The following CALD1 variants were observed in gnomAD, a reference collection of about 807,000 sequenced individuals.
CALD1 encodes the protein caldesmon 1, also known as caldesmon.
In CALD1, 33 loss-of-function variants were observed where a neutral mutation model predicts 99.9. The ratio of observed to expected loss-of-function variants is 0.33; its 90% CI spans 0.25 to 0.44. The LOEUF is 0.44. Ranked by LOEUF, CALD1 falls within the 20% of genes least tolerant of loss-of-function variation. The pLI is 1.00. For synonymous variants in CALD1, 310 were observed against 325.0 expected, an observed-to-expected ratio of 0.95 and a Z score of 0.50; for missense variants, 861 against 962.1, an observed-to-expected ratio of 0.89 and a Z score of 1.39.
At chr7:134,921,987 A>T (rs1804654774) in intron 3 of CALD1, among the ~76,000 whole-genome samples, 1 of 152,224 alleles carries the variant, frequency 6.6e-6, no homozygotes, top group South Asian at 2.1e-4. Flanking sequence ...TACATAAATG[A>T]TGAAAATAAA....
At chr7:134,889,912 T>C (rs1802064246) in intron 3 of CALD1, among the ~76,000 whole-genome samples, 1 of 152,240 alleles carries the variant, frequency 6.6e-6, no homozygotes, top group Non-Finnish European at 1.5e-5. Flanking sequence ...TGTTTTGTTT[T>C]GTTTTTTGTT....
chr7:134,862,387 G>T (rs1800600924), intron 2 of CALD1, among the ~76,000 whole-genome samples: 1 of 152,104 alleles, frequency 6.6e-6, no homozygotes, highest in Admixed American at 6.6e-5. Flanking sequence ...TATTTTAATG[G>T]CCCAGCAGAG....
At chr7:134,838,561 G>C (rs1204423612) in intron 1 of CALD1, among the ~76,000 whole-genome samples, 1 of 152,180 alleles carries the variant, frequency 6.6e-6, no homozygotes, top group African/African-American at 2.4e-5. Flanking sequence ...TGGACCACTT[G>C]CAAAAACATT....
the CALD1 span, among the ~76,000 whole-genome samples, chr7:134,714,103 C>T: frequency 2.6e-5 from 4 of 152,168 alleles, no homozygotes; most frequent in Non-Finnish European, 4.4e-5. Flanking sequence ...GGAAGATGTG[C>T]CTGCTTCCCC....
At chr7:134,724,800 A>C in the CALD1 span, among the ~76,000 whole-genome samples, 1 of 152,164 alleles carries the variant, frequency 6.6e-6, no homozygotes, top group African/African-American at 2.4e-5. Flanking sequence ...GCACTCCTCC[A>C]GGGGGAGCTC....
At chr7:134,963,178 T>G (rs1808408567) in intron 13 of CALD1, among the ~76,000 whole-genome samples, 1 of 152,238 alleles carries the variant, frequency 6.6e-6, no homozygotes, top group African/African-American at 2.4e-5. Flanking sequence ...CCTCAGCATG[T>G]TCCTAATTAT....
At chr7:134,868,696 T>G (rs1473524152) in intron 3 of CALD1, among the ~76,000 whole-genome samples, 2 of 152,192 alleles carry the variant, frequency 1.3e-5, no homozygotes, top group Non-Finnish European at 2.9e-5. Context: ...GCATGGAGAA[T>G]GCAAAAGCAA....
chr7:134,730,052 G>A, the CALD1 span, among the ~76,000 whole-genome samples: 1 of 152,124 alleles, frequency 6.6e-6, no homozygotes, highest in African/African-American at 2.4e-5. Flanking sequence ...GAGGACATGA[G>A]GCGGCTGCTG....
chr7:134,814,090 G>C (rs1798464434), intron 1 of CALD1, among the ~76,000 whole-genome samples: 1 of 152,102 alleles, frequency 6.6e-6, no homozygotes, highest in African/African-American at 2.4e-5. Flanking sequence ...GCAGGGATCA[G>C]GAAATGACTG....
intron 1 of CALD1, among the ~76,000 whole-genome samples, chr7:134,758,313 T>A (rs1562990106): frequency 6.6e-6 from 1 of 152,220 alleles, no homozygotes; most frequent in Admixed American, 6.5e-5. Context: ...CTGTTGACTC[T>A]AGTATATTTC....
At chr7:134,935,107 C>T (rs184347894) in intron 5 of CALD1, among the ~76,000 whole-genome samples, 1 of 152,166 alleles carries the variant, frequency 6.6e-6, no homozygotes, top group Non-Finnish European at 1.5e-5. Flanking sequence ...CATGCTGCTT[C>T]TTTATTATCT....
intron 1 of CALD1, among the ~76,000 whole-genome samples, chr7:134,752,957 C>G (rs1003572504): frequency 6.8e-6 from 1 of 147,914 alleles, no homozygotes; most frequent in Non-Finnish European, 1.5e-5. Flanking sequence ...TTTCAGTGAG[C>G]CGAGACAGCA....
At chr7:134,918,386 A>T (rs1484584158) in intron 3 of CALD1, among the ~76,000 whole-genome samples, 2 of 152,246 alleles carry the variant, frequency 1.3e-5, no homozygotes, top group Non-Finnish European at 2.9e-5. Flanking sequence ...ACAGCTATTG[A>T]TATAAACATA....
intron 3 of CALD1, among the ~76,000 whole-genome samples, chr7:134,899,458 C>T (rs1008877199): frequency 6.6e-6 from 1 of 152,268 alleles, no homozygotes; most frequent in African/African-American, 2.4e-5. Flanking sequence ...CCGCCTGGCC[C>T]TCACAGAGTG....
Position 134,968,436 on chromosome 7 carries a change from C to A in CALD1, c.*91C>A. On this transcript the variant is annotated 3_prime_UTR_variant, in exon 15 of 15. Transcript: ENST00000361675. ...TCTGTTTTGTATTTATGTTGATTTA[C>A]TAAATTGGGTTCATTATCTTTTATT... 9.0e-7 allele frequency: 1 copy of A among 1,117,244 alleles called. No individual in the cohort carries two copies. Among genetic ancestry groups the A allele is most frequent in the Non-Finnish European group, 1.4e-6 (1 of 730,324 alleles). The allele number at this position is 1,117,244 out of a possible 1,614,324, so 69.2% of individuals were successfully genotyped here.
intron 3 of CALD1, among the ~76,000 whole-genome samples, chr7:134,919,625 G>A (rs1209147457): frequency 1.3e-5 from 2 of 152,166 alleles, no homozygotes; most frequent in East Asian, 1.9e-4. Flanking sequence ...ATATGTCTAT[G>A]TATGGGGAGA....
chr7:134,759,621 C>T lies in CALD1; in HGVS notation c.-130+15258C>T, dbSNP rs181481263. ...GTGAAGGCAGATTCGCGAGGGATGT[C>T]CAAGATGCCCCTGGACAGAGGGCTA... On this transcript the variant is annotated intron_variant, in intron 1 of 13. Coordinates refer to the CALD1 transcript ENST00000417172. 9.1e-4 allele frequency among the ~76,000 whole-genome samples: 138 copies of T among 152,246 alleles called. 1 individual carries two copies. The highest frequency in any genetic ancestry group is 1.6e-3 in the Non-Finnish European group (107 of 68,002).
intron 2 of CALD1, among the ~76,000 whole-genome samples, chr7:134,865,682 T>C (rs541128320): frequency 3.3e-5 from 5 of 152,206 alleles, no homozygotes; most frequent in Admixed American, 1.3e-4. Context: ...GACCTCACGA[T>C]GTTAGTTTCA....
intron 2 of CALD1, among the ~76,000 whole-genome samples, chr7:134,859,381 T>C (rs1800465131): frequency 6.6e-6 from 1 of 152,220 alleles, no homozygotes. Flanking sequence ...TACGCTTGTG[T>C]CATTTGTTCT....
Sources: allele counts gnomAD v4.1 joint callset (sites outside exome capture counted in the v4.1 genomes callset), GRCh38; gene constraint gnomAD v4.1.1; transcripts MANE v1.5; gene names NCBI Gene and HGNC (gene_info 2026-07-23, HGNC 2026-07-21).